CDC42SE2: variants seen among roughly 807,000 people sequenced by gnomAD.
CDC42SE2 encodes CDC42 small effector protein 2.
A neutral mutation model predicts 11.5 loss-of-function variants in CDC42SE2; 3 were observed. The ratio of observed to expected loss-of-function variants is 0.26; its 90% CI spans 0.12 to 0.67. The LOEUF (loss-of-function observed/expected upper bound fraction) is 0.67. CDC42SE2 is among the 30% of genes least tolerant of loss of function. The pLI is 0.80. For synonymous variants in CDC42SE2, 33 were observed against 34.8 expected, an observed-to-expected ratio of 0.95 and a Z score of 0.18; for missense variants, 82 against 106.8, an observed-to-expected ratio of 0.77 and a Z score of 1.02.
chr5:131,283,381 C>T (rs1468658711), intron 1 of CDC42SE2, among the ~76,000 whole-genome samples: 3 of 152,146 alleles, frequency 2.0e-5, no homozygotes, highest in Non-Finnish European at 2.9e-5. Flanking sequence ...AGATTTGCCT[C>T]TTTGGACATT....
chr5:131,351,400 G>T (rs1015033631), intron 2 of CDC42SE2, among the ~76,000 whole-genome samples: 1 of 152,138 alleles, frequency 6.6e-6, no homozygotes, highest in Non-Finnish European at 1.5e-5. Flanking sequence ...GACTACAGGT[G>T]CCTGCCACCA....
chr5:131,385,556 G>C lies in CDC42SE2; in HGVS notation c.68G>C (p.Arg23Pro), dbSNP rs569441900. 4 of 1,613,038 alleles carry C rather than the reference G, an allele frequency of 2.5e-6. No individual in the cohort carries two copies. The highest frequency in any genetic ancestry group is 3.4e-6 in the Non-Finnish European group (4 of 1,179,410). ...CCCATATTTTAGAAAAGGCGACGGCGGATTGACAGAAGTATGATTGGAGAG... is the reference window on the plus strand; with the variant it reads ...CCCATATTTTAGAAAAGGCGACGGCCGATTGACAGAAGTATGATTGGAGAG... ...AEQPQPKRRR[R>P]IDRSMIGEPT... Residue 23 changes from arginine (R) to proline (P), a missense_variant, in exon 4 of 5, where the codon CGG becomes CCG. Coordinates refer to ENST00000505065, the MANE Select transcript of CDC42SE2 (RefSeq NM_001375635.1).
intron 3 of CDC42SE2, among the ~76,000 whole-genome samples, chr5:131,381,754 C>A (rs1195819758): frequency 6.6e-6 from 1 of 152,200 alleles, no homozygotes; most frequent in Non-Finnish European, 1.5e-5. Context: ...ACATGTTTTC[C>A]ACCTATAGCT....
At chr5:131,387,198 AT>A (rs768201242) in intron 4 of CDC42SE2, among the ~76,000 whole-genome samples, 2 of 152,282 alleles carry the variant, frequency 1.3e-5, no homozygotes, top group South Asian at 2.1e-4. Context: ...TATATGATGA[AT>A]TTTAATTTCT....
At chr5:131,260,945 C>T (rs1005378921), upstream of CDC42SE2, among the ~76,000 whole-genome samples, 7 of 152,114 alleles carry the variant, frequency 4.6e-5, no homozygotes, top group South Asian at 2.1e-4. Flanking sequence ...AAAAACAAAA[C>T]AAAAACAAAA....
chr5:131,235,516 T>C, the CDC42SE2 span, among the ~76,000 whole-genome samples: 1 of 151,272 alleles, frequency 6.6e-6, no homozygotes, highest in East Asian at 2.0e-4. Context: ...TCTCGATCTC[T>C]TGACCTTGTG....
chr5:131,384,563 C>T (rs1272083901), intron 3 of CDC42SE2, among the ~76,000 whole-genome samples: 2 of 152,110 alleles, frequency 1.3e-5, no homozygotes, highest in African/African-American at 2.4e-5. Flanking sequence ...GGCCAGTGGT[C>T]TCTCCCAATA....
intron 2 of CDC42SE2, among the ~76,000 whole-genome samples, chr5:131,350,610 T>C (rs1758983197): frequency 9.3e-6 from 1 of 107,404 alleles, no homozygotes; most frequent in Non-Finnish European, 1.8e-5. Context: ...ATTTATTTTG[T>C]GTGTGTGTGT....
At chr5:131,263,538 C>T (rs573333046), upstream of CDC42SE2, 2 of 152,324 alleles carry the variant, frequency 1.3e-5, no homozygotes, top group African/African-American at 4.8e-5. Context: ...ACTGATTGAA[C>T]GATTCTGACT....
chr5:131,265,052 A>C (rs1202051790), intron 1 of CDC42SE2, among the ~76,000 whole-genome samples: 1 of 152,142 alleles, frequency 6.6e-6, no homozygotes. Flanking sequence ...AGCTTATCTC[A>C]CATCTAGTAA....
chr5:131,308,512 T>C (rs1038987459), intron 1 of CDC42SE2, among the ~76,000 whole-genome samples: 3 of 151,916 alleles, frequency 2.0e-5, no homozygotes, highest in African/African-American at 7.3e-5. Context: ...GGGGATGGCA[T>C]TGAATCTGTA....
At chr5:131,346,680 C>T (rs1758854236) in intron 2 of CDC42SE2, among the ~76,000 whole-genome samples, 1 of 152,130 alleles carries the variant, frequency 6.6e-6, no homozygotes, top group Admixed American at 6.6e-5. Flanking sequence ...AACTCTCCAC[C>T]CCAAATCAAC....
upstream of CDC42SE2, chr5:131,263,907 CGGGGGCGGGGCCTGGCG>C (rs897531998): frequency 2.0e-5 from 3 of 152,112 alleles, no homozygotes; most frequent in East Asian, 1.9e-4. Context: ...GGAGGTACGG[CGGGGGCGGGGCCTGGCG>C]GGGGGCGGGG....
intron 2 of CDC42SE2, among the ~76,000 whole-genome samples, chr5:131,338,296 C>T (rs1448865362): frequency 6.6e-6 from 1 of 152,206 alleles, no homozygotes; most frequent in East Asian, 1.9e-4. Flanking sequence ...TCAGTGATAG[C>T]TGGAGTGATA....
At chr5:131,278,730 TCCC>T (rs1439262673) in intron 1 of CDC42SE2, among the ~76,000 whole-genome samples, 1 of 1,338 alleles carries the variant, frequency 7.5e-4, no homozygotes, top group Admixed American at 6.9e-3. Context: ...CCCTCCCCCC[TCCC>T]CTCCCCTCCC....
At chr5:131,296,846 T>G (rs929243088) in intron 1 of CDC42SE2, among the ~76,000 whole-genome samples, 3 of 152,194 alleles carry the variant, frequency 2.0e-5, no homozygotes, top group African/African-American at 7.2e-5. Flanking sequence ...TAAAGTTGTA[T>G]GGAAACATAA....
chr5:131,238,912 C>G, the CDC42SE2 span, among the ~76,000 whole-genome samples: 1 of 151,974 alleles, frequency 6.6e-6, no homozygotes, highest in African/African-American at 2.4e-5. Flanking sequence ...AGTCCCAGCA[C>G]TTTGGGAGGC....
intron 1 of CDC42SE2, among the ~76,000 whole-genome samples, chr5:131,277,170 G>A (rs2149698354): frequency 6.6e-6 from 1 of 152,266 alleles, no homozygotes; most frequent in Non-Finnish European, 1.5e-5. Flanking sequence ...ATTAGAATTT[G>A]ACATTGACCT....
At chr5:131,363,974 G>T (rs1013595256) in intron 3 of CDC42SE2, among the ~76,000 whole-genome samples, 1 of 152,068 alleles carries the variant, frequency 6.6e-6, no homozygotes, top group African/African-American at 2.4e-5. Flanking sequence ...GGAATTGCAG[G>T]CATGAGCCAC....
Sources: gnomAD v4.1 joint callset for allele counts (sites outside exome capture counted in the v4.1 genomes callset) on GRCh38, gnomAD v4.1.1 for gene constraint, MANE v1.5 for transcripts, NCBI Gene and HGNC (gene_info 2026-07-23, HGNC 2026-07-21) for gene names.